MPP7: variants seen among roughly 807,000 people sequenced by gnomAD.
MPP7 encodes MAGUK p55 subfamily member 7.
Under a neutral mutation model 76.5 loss-of-function variants are expected in MPP7, and 60 were observed. The observed-to-expected ratio is 0.78, with a 90% CI of 0.64 to 0.97. MPP7 has a LOEUF of 0.97. Ranked by LOEUF, MPP7 falls within the 50% of genes least tolerant of loss-of-function variation. The pLI is 0.00. For synonymous variants in MPP7, 237 were observed against 244.5 expected, an observed-to-expected ratio of 0.97 and a Z score of 0.29; for missense variants, 641 against 694.0, an observed-to-expected ratio of 0.92 and a Z score of 0.86.
chr10:28,273,126 C>T (rs1356496978), intron 1 of MPP7, among the ~76,000 whole-genome samples: 1 of 152,168 alleles, frequency 6.6e-6, no homozygotes, highest in Non-Finnish European at 1.5e-5. Flanking sequence ...CCATGTTGGC[C>T]AGGCTGGTCT....
chr10:28,107,875 T>G (rs1834373092), intron 11 of MPP7, among the ~76,000 whole-genome samples: 1 of 152,164 alleles, frequency 6.6e-6, no homozygotes, highest in Admixed American at 6.5e-5. Flanking sequence ...TCTGGTGATG[T>G]AGGGGGAGGT....
chr10:28,071,734 A>T lies in MPP7; in HGVS notation c.1124-1882T>A, dbSNP rs11006837. Among the ~76,000 whole-genome samples the T allele has an allele frequency of 5.6e-3, 860 of 152,354 alleles. 59 individuals are homozygous for T. The East Asian group carries it at 0.13, about 24-fold the overall frequency. ...AGAGCAGAAAACCTAACCAAGTCAGATGTTTGCACCTACTTATAATAAATA... is the reference window on the plus strand; with the variant it reads ...AGAGCAGAAAACCTAACCAAGTCAGTTGTTTGCACCTACTTATAATAAATA... On this transcript the variant is annotated intron_variant, in intron 12 of 16. Transcript: ENST00000683449.
At chr10:28,197,526 A>G (rs1216722982) in intron 3 of MPP7, among the ~76,000 whole-genome samples, 3 of 152,132 alleles carry the variant, frequency 2.0e-5, no homozygotes, top group African/African-American at 7.2e-5. Context: ...CCAACTTAAG[A>G]TACCAAATCC....
intron 2 of MPP7, among the ~76,000 whole-genome samples, chr10:28,315,199 G>C (rs903625425): frequency 1.4e-5 from 2 of 146,404 alleles, no homozygotes; most frequent in Non-Finnish European, 3.0e-5. Context: ...AGGGAAGGAA[G>C]GAAGGAAGGA....
At chr10:28,119,960 A>G (rs912875999) in intron 10 of MPP7, among the ~76,000 whole-genome samples, 2 of 151,998 alleles carry the variant, frequency 1.3e-5, no homozygotes, top group African/African-American at 4.8e-5. Flanking sequence ...CAAGATATTA[A>G]TGTGCTATTT....
chr10:28,059,868 A>C lies in MPP7; in HGVS notation c.1205-125T>G, dbSNP rs1452699965. 4.5e-6 allele frequency: 3 copies of C among 664,266 alleles called. No individual in the cohort carries two copies. In the African/African-American group the frequency reaches 5.5e-5, roughly 12 times the overall value. 41.1% of individuals were successfully genotyped at this position (664,266 alleles called of 1,614,324 possible). On this transcript the variant is annotated intron_variant, in intron 13 of 16. Transcript: ENST00000683449. ...GGATTTAAAAATGTATTTAAAAAGC[A>C]AATTAGCTAATAAAATACAGTAAGC...
chr10:28,325,638 C>T (rs1014876206), intron 2 of MPP7, among the ~76,000 whole-genome samples: 1 of 152,028 alleles, frequency 6.6e-6, no homozygotes, highest in African/African-American at 2.4e-5. Context: ...AGATTACAGG[C>T]ATGCACCACC....
chr10:28,330,418 T>C (rs1400234420), intron 1 of MPP7, among the ~76,000 whole-genome samples: 1 of 152,196 alleles, frequency 6.6e-6, no homozygotes, highest in African/African-American at 2.4e-5. Context: ...TACTGTGCTC[T>C]GACCTGCCCA....
chr10:28,242,926 C>T (rs868197561), intron 1 of MPP7, among the ~76,000 whole-genome samples: 2 of 152,248 alleles, frequency 1.3e-5, no homozygotes, highest in Middle Eastern at 3.4e-3. Context: ...TATTAATTGA[C>T]TCTTGAGTAC....
chr10:28,157,421 A>G (rs2133807953), intron 3 of MPP7, among the ~76,000 whole-genome samples: 1 of 152,318 alleles, frequency 6.6e-6, no homozygotes, highest in Admixed American at 6.5e-5. Context: ...TGGTTAGGGA[A>G]TGTGGAGTGT....
upstream of MPP7, among the ~76,000 whole-genome samples, chr10:28,308,000 T>TCCA (rs1430207142): frequency 1.3e-5 from 2 of 152,168 alleles, no homozygotes; most frequent in African/African-American, 4.8e-5. Flanking sequence ...AACATCCAAC[T>TCCA]CCACTTCTCT....
intron 2 of MPP7, among the ~76,000 whole-genome samples, chr10:28,237,594 C>A (rs1839119195): frequency 6.6e-6 from 1 of 152,050 alleles, no homozygotes; most frequent in South Asian, 2.1e-4. Context: ...TAACATAATA[C>A]AAGATAAAAC....
intron 12 of MPP7, among the ~76,000 whole-genome samples, chr10:28,080,837 A>G (rs1243069653): frequency 3.3e-5 from 5 of 152,226 alleles, no homozygotes; most frequent in Non-Finnish European, 2.9e-5. Context: ...TTTTACAGTT[A>G]TCTATATAAA....
chr10:28,315,437 C>T (rs759214123), intron 2 of MPP7, among the ~76,000 whole-genome samples: 3 of 152,042 alleles, frequency 2.0e-5, no homozygotes, highest in Admixed American at 6.5e-5. Flanking sequence ...TGAAGCAGAG[C>T]GTTGTGCCCC....
intron 1 of MPP7, among the ~76,000 whole-genome samples, chr10:28,266,052 C>T (rs1840140511): frequency 6.6e-6 from 1 of 152,080 alleles, no homozygotes; most frequent in Admixed American, 6.6e-5. Context: ...CTCCGCCTCC[C>T]GAGTTCAAGC....
intron 6 of MPP7, among the ~76,000 whole-genome samples, chr10:28,128,179 C>T (rs2133661728): frequency 6.6e-6 from 1 of 152,292 alleles, no homozygotes; most frequent in South Asian, 2.1e-4. Flanking sequence ...CCACTCCACC[C>T]ACTGTGCTAA....
intron 2 of MPP7, among the ~76,000 whole-genome samples, chr10:28,227,427 C>T (rs191193165): frequency 6.6e-6 from 1 of 152,124 alleles, no homozygotes; most frequent in Non-Finnish European, 1.5e-5. Flanking sequence ...TATTAAGCCC[C>T]ACATGCATTA....
chr10:28,244,291 T>C (rs2132795253), intron 1 of MPP7, among the ~76,000 whole-genome samples: 2 of 152,302 alleles, frequency 1.3e-5, no homozygotes, highest in East Asian at 3.9e-4. Context: ...GTTAAAAAAA[T>C]CTATTTTGTT....
chr10:28,129,624 T>A (rs564921744), intron 6 of MPP7, among the ~76,000 whole-genome samples: 1 of 151,910 alleles, frequency 6.6e-6, no homozygotes, highest in African/African-American at 2.4e-5. Context: ...TTATTTCCTA[T>A]AAACTGCCGT....
Sources: gnomAD v4.1 joint callset for allele counts (sites outside exome capture counted in the v4.1 genomes callset) on GRCh38, gnomAD v4.1.1 for gene constraint, MANE v1.5 for transcripts, NCBI Gene and HGNC (gene_info 2026-07-23, HGNC 2026-07-21) for gene names.